Variants in NID1 observed in about 807,000 individuals in gnomAD.
NID1 encodes the protein nidogen-1.
NID1 carries 76 observed loss-of-function variants against 130.6 expected under a neutral mutation model. The ratio of observed to expected loss-of-function variants is 0.58; its 90% confidence interval spans 0.48 to 0.70. NID1 has a LOEUF of 0.70. NID1 is among the 30% of genes least tolerant of loss of function. The probability of loss-of-function intolerance (pLI) is 0.00; values close to 1 mark genes in which losing one functional copy is unlikely to be tolerated. For missense variants in NID1, 1,517 were observed against 1,664.8 expected, an observed-to-expected ratio of 0.91 and a Z score of 1.54; for synonymous variants, 665 against 675.1, an observed-to-expected ratio of 0.98 and a Z score of 0.23.
intron 9 of NID1, among the ~76,000 whole-genome samples, chr1:236,023,603 GT>G (rs1283269690): frequency 6.6e-6 from 1 of 151,672 alleles, no homozygotes; most frequent in East Asian, 1.9e-4. Context: ...TGTTAAAATG[GT>G]ATATTTTATA....
At chr1:236,001,425 C>T (rs542752681) in intron 12 of NID1, among the ~76,000 whole-genome samples, 3 of 152,086 alleles carry the variant, frequency 2.0e-5, no homozygotes, top group South Asian at 4.1e-4. Flanking sequence ...ATTTTGCTGG[C>T]TTATAGCCCC....
At chr1:235,980,753 G>A in intron 16 of NID1, 100 bp from the exon 17 acceptor site, 3 of 1,244,950 alleles carry the variant, frequency 2.4e-6, no homozygotes, top group Non-Finnish European at 3.4e-6. Context: ...TGAAGTGATT[G>A]GCAGACATGA....
rs115320455 is a variant in NID1, at chr1:235,988,854, G to C, written c.2928+2032C>G. On this transcript the variant is annotated intron_variant, in intron 14 of 19. Transcript: ENST00000264187. ...CAGTAAGTAGAATCGTGGCTGCCAG[G>C]GGCTAGGACATGGGTGGAGGGAGAA... Among the ~76,000 whole-genome samples, 502 of 152,224 alleles carry C rather than the reference G, an allele frequency of 3.3e-3. 3 individuals are homozygous for C. The highest frequency in any genetic ancestry group is 0.011 in the African/African-American group (476 of 41,524).
intron 6 of NID1, among the ~76,000 whole-genome samples, chr1:236,031,262 G>A (rs914771910): frequency 2.6e-5 from 4 of 152,026 alleles, no homozygotes; most frequent in Admixed American, 6.5e-5. Flanking sequence ...GGGACTGCAG[G>A]TGCCCGCCAC....
At chr1:235,998,727 T>C (rs1657998255) in intron 12 of NID1, among the ~76,000 whole-genome samples, 2 of 152,218 alleles carry the variant, frequency 1.3e-5, no homozygotes, top group Admixed American at 1.3e-4. Flanking sequence ...CGTGTTTACT[T>C]CCACAAAATT....
intron 12 of NID1, among the ~76,000 whole-genome samples, chr1:236,011,284 G>T (rs891914962): frequency 6.7e-6 from 1 of 148,680 alleles, no homozygotes; most frequent in African/African-American, 2.5e-5. Flanking sequence ...AGTCTAAGGT[G>T]TCAAATATAT....
intron 1 of NID1, among the ~76,000 whole-genome samples, chr1:236,052,028 T>A (rs926636643): frequency 1.3e-5 from 2 of 152,204 alleles, no homozygotes; most frequent in Non-Finnish European, 2.9e-5. Flanking sequence ...TCAGCTAATT[T>A]TACTGAACAT....
intron 4 of NID1, among the ~76,000 whole-genome samples, chr1:236,041,274 G>A (rs1213535869): frequency 6.6e-6 from 1 of 151,432 alleles, no homozygotes; most frequent in Non-Finnish European, 1.5e-5. Context: ...CACCATGTTG[G>A]CCAGGATGGT....
chr1:235,976,688 G>A lies in NID1; in HGVS notation c.*1179C>T, dbSNP rs959016346. 31 of 152,306 alleles carry A rather than the reference G, an allele frequency of 2.0e-4. No homozygotes were observed. Among genetic ancestry groups the A allele is most frequent in the African/African-American group, 7.5e-4 (31 of 41,558 alleles). 9.4% of individuals were successfully genotyped at this position (152,306 alleles called of 1,614,324 possible). The stretch of plus-strand genomic sequence containing the variant: ...TGTAGAAATATAAACATGAAATGTG[G>A]CAATGATCCCTTTAATTAGATCATT... On this transcript the variant is annotated 3_prime_UTR_variant, in exon 20 of 20. Coordinates refer to ENST00000264187, the MANE Select transcript of NID1 (RefSeq NM_002508.3).
At chr1:235,985,150 G>A (rs928065667) in intron 15 of NID1, among the ~76,000 whole-genome samples, 1 of 150,720 alleles carries the variant, frequency 6.6e-6, no homozygotes, top group African/African-American at 2.4e-5. Context: ...CCAAGATCAC[G>A]CCACTGCACT....
At chr1:236,051,197 A>G (rs974252454) in intron 1 of NID1, among the ~76,000 whole-genome samples, 5 of 152,188 alleles carry the variant, frequency 3.3e-5, no homozygotes, top group Non-Finnish European at 2.9e-5. Context: ...AATCCAGAAT[A>G]GCAACCCTCA....
rs569454895 is a variant in NID1, at chr1:235,985,756, A to G, written c.2929-251T>C. 2.1e-3 allele frequency among the ~76,000 whole-genome samples: 309 copies of G among 148,360 alleles called. No homozygotes were observed. In the South Asian group the frequency reaches 0.025, roughly 12 times the overall value. On this transcript the variant is annotated intron_variant, in intron 14 of 19. Transcript: ENST00000264187. Reference sequence around the variant, plus strand: ...TGTGTGTGTGTGTGTGTGTGTGTGTATATATATGCATAAATATGTATTTTT... The same window carrying G: ...TGTGTGTGTGTGTGTGTGTGTGTGTGTATATATGCATAAATATGTATTTTT...
chr1:235,990,624 G>C (rs1263656539), intron 14 of NID1, among the ~76,000 whole-genome samples: 1 of 152,216 alleles, frequency 6.6e-6, no homozygotes, highest in Non-Finnish European at 1.5e-5. Flanking sequence ...AATGCTTGTT[G>C]CTACGTCAGA....
At chr1:235,990,080 A>C (rs1377199141) in intron 14 of NID1, among the ~76,000 whole-genome samples, 1 of 152,240 alleles carries the variant, frequency 6.6e-6, no homozygotes, top group Non-Finnish European at 1.5e-5. Context: ...GCTTTTGAAA[A>C]GTATTTTTAT....
At chr1:236,043,881 G>T (rs1192641698) in intron 3 of NID1, among the ~76,000 whole-genome samples, 3 of 152,122 alleles carry the variant, frequency 2.0e-5, no homozygotes, top group Non-Finnish European at 2.9e-5. Context: ...TACCTTTGGT[G>T]CTTAAAGGAT....
rs772635937 is a variant in NID1, at chr1:236,042,036, C to T, written c.1009G>A (p.Ala337Thr). The T allele has an allele frequency of 1.2e-5, 20 of 1,614,186 alleles. No individual in the cohort carries two copies. The highest frequency in any genetic ancestry group is 2.2e-5 in the East Asian group (1 of 44,874). ...SVPSVLSPRR[A>T]ATERPLGPPT... ...GGTCCAAGGGGCCTTTCGGTAGCTGCCCGGCGCGGGGAGAGGACGCTGGGC... is the reference window on the plus strand; with the variant it reads ...GGTCCAAGGGGCCTTTCGGTAGCTGTCCGGCGCGGGGAGAGGACGCTGGGC... The change falls in exon 4 of 20, where the codon GCA becomes ACA. Residue 337 changes from alanine (A) to threonine (T), a missense_variant. Physicochemically the swap from Ala to Thr is moderately conservative, Grantham distance 58. Transcript: ENST00000264187.
chr1:236,053,562 G>T lies in NID1; in HGVS notation c.226-4573C>A, dbSNP rs1269708022. Among the ~76,000 whole-genome samples, 5 of 152,214 alleles carry T rather than the reference G, an allele frequency of 3.3e-5. No individual in the cohort carries two copies. The South Asian group carries it at 6.2e-4, about 19-fold the overall frequency. The stretch of plus-strand genomic sequence containing the variant: ...CTTCCTGGCATCCCCTCCAGTGGAA[G>T]CTCCTTCCACTCACTCTTTTTTCCC... On this transcript the variant is annotated intron_variant, in intron 1 of 19. Coordinates refer to ENST00000264187, the MANE Select transcript of NID1 (RefSeq NM_002508.3).
At chr1:236,038,074 G>A (rs771997472) in intron 5 of NID1, 30 bp downstream of exon 5, 17 of 1,575,978 alleles carry the variant, frequency 1.1e-5, no homozygotes, top group African/African-American at 5.4e-5. Flanking sequence ...TCCTTCTCCC[G>A]CATGAAACGA....
chr1:236,051,511 C>G (rs1169624821), intron 1 of NID1, among the ~76,000 whole-genome samples: 2 of 152,202 alleles, frequency 1.3e-5, no homozygotes, highest in African/African-American at 2.4e-5. Flanking sequence ...CTTTTAACCA[C>G]ATGTTATGGG....
Sources: gnomAD v4.1 joint callset for allele counts (sites outside exome capture counted in the v4.1 genomes callset) on GRCh38, gnomAD v4.1.1 for gene constraint, MANE v1.5 for transcripts, NCBI Gene and HGNC (gene_info 2026-07-23, HGNC 2026-07-21) for gene names.